The following PTPRB variants were observed in gnomAD, a reference collection of about 807,000 sequenced individuals.
The protein encoded by PTPRB is receptor-type tyrosine-protein phosphatase beta.
In PTPRB, 97 loss-of-function variants were observed where a neutral mutation model predicts 238.1. The observed-to-expected ratio is 0.41, with a 90% CI of 0.35 to 0.48. The LOEUF (loss-of-function observed/expected upper bound fraction) is 0.48. PTPRB is among the 20% of genes least tolerant of loss of function. PTPRB has a pLI of 0.30. For synonymous variants in PTPRB, 970 were observed against 995.4 expected (o/e 0.97, Z 0.48); for missense variants, 2,292 against 2,681.9 (o/e 0.85, Z 3.21).
chr12:70,589,325 A>G (rs1162536352), intron 8 of PTPRB, among the ~76,000 whole-genome samples: 1 of 152,198 alleles, frequency 6.6e-6, no homozygotes, highest in African/African-American at 2.4e-5. Context: ...TTTGAATTTC[A>G]CTCTAAATAT....
At chr12:70,547,857 A>G (rs1308987668) in intron 21 of PTPRB, among the ~76,000 whole-genome samples, 2 of 152,054 alleles carry the variant, frequency 1.3e-5, no homozygotes, top group Non-Finnish European at 2.9e-5. Flanking sequence ...AACCTCTCCA[A>G]TATAATAAAG....
intron 14 of PTPRB, among the ~76,000 whole-genome samples, chr12:70,568,390 T>C (rs11833746): frequency 0.23 from 35,242 of 151,924 alleles, 4,795 homozygotes; most frequent in African/African-American, 0.38. Flanking sequence ...CTCCGCCTCC[T>C]GGGTTCATGC....
intron 31 of PTPRB, among the ~76,000 whole-genome samples, chr12:70,532,473 T>C (rs1402517589): frequency 6.6e-6 from 1 of 152,206 alleles, no homozygotes; most frequent in African/African-American, 2.4e-5. Flanking sequence ...GGTAAATCTA[T>C]AAACATTTAT....
intron 3 of PTPRB, among the ~76,000 whole-genome samples, chr12:70,617,938 C>G (rs1286844626): frequency 1.3e-5 from 2 of 152,138 alleles, no homozygotes. Flanking sequence ...GCATTTTATC[C>G]CTTTCAAAGT....
At chr12:70,613,819 A>G (rs1884565004) in intron 3 of PTPRB, among the ~76,000 whole-genome samples, 1 of 152,204 alleles carries the variant, frequency 6.6e-6, no homozygotes, top group Non-Finnish European at 1.5e-5. Context: ...ATGAATAAAT[A>G]TCCTAAACAA....
At chr12:70,636,253 T>C (rs1885684308) in intron 1 of PTPRB, among the ~76,000 whole-genome samples, 187 bp from the exon 2 acceptor site, 1 of 152,042 alleles carries the variant, frequency 6.6e-6, no homozygotes. Flanking sequence ...GCTGACGATA[T>C]AAAATGTCAA....
rs1565890227 is a variant in PTPRB at position 70,518,626 on chromosome 12, TA to T, written c.*2862del. 2.0e-5 allele frequency: 3 copies of T among 152,084 alleles called. No individual in the cohort carries two copies. The allele number at this position is 152,084 out of a possible 1,614,324, so 9.4% of individuals were successfully genotyped here. ...CTCAGAGGTTTAAGGGATAGAGAAT[TA>T]CTTAGGACAAATATGTGCAAGCCCA... On this transcript the variant is annotated 3_prime_UTR_variant, in exon 34 of 34. Transcript: ENST00000334414.
intron 2 of PTPRB, among the ~76,000 whole-genome samples, chr12:70,629,537 T>C (rs1038527827): frequency 6.6e-5 from 10 of 152,012 alleles, no homozygotes; most frequent in African/African-American, 2.4e-4. Context: ...TTAAAAGAAC[T>C]AGAGAAACAA....
At position 70,533,462 on chromosome 12, in the gene PTPRB, C is replaced by G. The variant is rs140607891; in HGVS notation, c.6368+1026G>C. On this transcript the variant is annotated intron_variant, in intron 31 of 33. Transcript: ENST00000334414. Reference sequence around the variant, plus strand: ...AAATGTTGCTGCAAACATTAATTTGCTAGATACCAGGCTCGCCAGAGAGAG... The same window carrying G: ...AAATGTTGCTGCAAACATTAATTTGGTAGATACCAGGCTCGCCAGAGAGAG... Among the ~76,000 whole-genome samples the G allele has an allele frequency of 1.1e-3, 168 of 151,922 alleles. 1 individual carries two copies. The highest frequency in any genetic ancestry group is 3.8e-3 in the African/African-American group (157 of 41,366).
intron 33 of PTPRB, among the ~76,000 whole-genome samples, chr12:70,523,887 C>T (rs982700041): frequency 6.6e-6 from 1 of 151,656 alleles, no homozygotes; most frequent in African/African-American, 2.4e-5. Context: ...GGGATCTCGG[C>T]CCACTGCAAC....
At chr12:70,602,506 A>G (rs1212401690) in intron 4 of PTPRB, among the ~76,000 whole-genome samples, 1 of 152,222 alleles carries the variant, frequency 6.6e-6, no homozygotes, top group Non-Finnish European at 1.5e-5. Flanking sequence ...GTCACTTGAT[A>G]TGTACTTCTA....
At chr12:70,631,111 A>G (rs57140173) in intron 2 of PTPRB, among the ~76,000 whole-genome samples, 2,393 of 152,202 alleles carry the variant, frequency 0.016, 73 homozygotes, top group African/African-American at 0.054. Flanking sequence ...AAAAGAGCCC[A>G]CATAGCCAAG....
At position 70,622,402 on chromosome 12, in the gene PTPRB, G is replaced by A. The variant is rs750607677; in HGVS notation, c.696C>T (p.Ser232=). ...WVLSTTQPFS[S]TTEETGLAEP... is the part of the protein sequence containing the mutation. ...CCCCTCCTTTTACCTCTTCAGTGGT[G>A]CTGGAGAAGGGCTGAGTAGTCGACA... The change falls in exon 3 of 34, where the codon AGC becomes AGT. Residue 232 remains serine (S), a synonymous_variant. Transcript: ENST00000334414. The A allele has an allele frequency of 1.9e-6, 3 of 1,611,794 alleles. No homozygotes were observed. The African/African-American group carries it at 4.0e-5, about 22-fold the overall frequency.
intron 13 of PTPRB, 41 bp from the exon 14 acceptor site, chr12:70,569,979 T>G (rs1456987899): frequency 1.3e-6 from 2 of 1,532,660 alleles, no homozygotes. Flanking sequence ...ACTTAGAGAA[T>G]GAACTGTTGA....
intron 20 of PTPRB, among the ~76,000 whole-genome samples, chr12:70,554,428 T>C (rs1877345807): frequency 6.6e-6 from 1 of 152,214 alleles, no homozygotes; most frequent in Non-Finnish European, 1.5e-5. Flanking sequence ...CGAATACATA[T>C]ATGGACAGGT....
chr12:70,559,759 CAGG>C, intron 17 of PTPRB, 135 bp from the exon 18 acceptor site: 1 of 833,094 alleles, frequency 1.2e-6, no homozygotes, highest in East Asian at 2.7e-5. Flanking sequence ...AATATAGTAG[CAGG>C]AGCTTTCATT....
At chr12:70,568,577 G>A (rs781579440) in intron 14 of PTPRB, among the ~76,000 whole-genome samples, 4 of 152,152 alleles carry the variant, frequency 2.6e-5, no homozygotes, top group Non-Finnish European at 4.4e-5. Flanking sequence ...GATTACAGGC[G>A]TGAGCTACCG....
chr12:70,536,281 TACTAAC>T, intron 28 of PTPRB, 122 bp from the exon 29 acceptor site: 3 of 1,147,816 alleles, frequency 2.6e-6, no homozygotes, highest in Non-Finnish European at 2.4e-6. Flanking sequence ...CAGAAAAAGA[TACTAAC>T]ACAAGTGTCA....
Position 70,637,427 on chromosome 12 carries a change from G to A in PTPRB, c.-32C>T. On this transcript the variant is annotated 5_prime_UTR_variant, in exon 1 of 34. Coordinates refer to ENST00000334414, the MANE Select transcript of PTPRB (RefSeq NM_001109754.4). ...CTTAGCAACTGTTCATGCTTCGCTTGGGGAAAAAAAAAATTCTCCCAGATA... is the reference window on the plus strand; with the variant it reads ...CTTAGCAACTGTTCATGCTTCGCTTAGGGAAAAAAAAAATTCTCCCAGATA... 1 of 1,577,660 alleles carries A rather than the reference G, an allele frequency of 6.3e-7. No homozygotes were observed.
Sources: gnomAD v4.1 joint callset for allele counts (sites outside exome capture counted in the v4.1 genomes callset) on GRCh38, gnomAD v4.1.1 for gene constraint, MANE v1.5 for transcripts, NCBI Gene and HGNC (gene_info 2026-07-23, HGNC 2026-07-21) for gene names.